The following SDC2 variants were observed in gnomAD, a reference collection of about 807,000 sequenced individuals.
SDC2 encodes syndecan-2.
Under a neutral mutation model 22.2 loss-of-function variants are expected in SDC2, and 13 were observed. The ratio of observed to expected loss-of-function variants is 0.59; its 90% CI spans 0.38 to 0.93. The LOEUF (loss-of-function observed/expected upper bound fraction) is 0.93, where lower values mean the gene tolerates loss of function less well. SDC2 is among the 40% of genes least tolerant of loss of function. The pLI is 0.00. For missense variants in SDC2, 235 were observed against 246.8 expected, an observed-to-expected ratio of 0.95 and a Z score of 0.32; for synonymous variants, 94 against 92.8, an observed-to-expected ratio of 1.01 and a Z score of -0.07.
chr8:96,544,564 C>T (rs1395810906), intron 1 of SDC2, among the ~76,000 whole-genome samples: 1 of 152,108 alleles, frequency 6.6e-6, no homozygotes, highest in African/African-American at 2.4e-5. Flanking sequence ...TCTCTTCTGG[C>T]CCTTATCATA....
chr8:96,509,912 G>A (rs959727082), intron 1 of SDC2, among the ~76,000 whole-genome samples: 1 of 152,130 alleles, frequency 6.6e-6, no homozygotes, highest in Non-Finnish European at 1.5e-5. Context: ...TGTCTTTTCT[G>A]CTGGATCATA....
chr8:96,556,640 C>T (rs1448546533), intron 1 of SDC2, among the ~76,000 whole-genome samples: 2 of 152,140 alleles, frequency 1.3e-5, no homozygotes, highest in East Asian at 1.9e-4. Flanking sequence ...GGATTAAAGA[C>T]TTAAACGTTA....
At chr8:96,514,975 A>G (rs1208283861) in intron 1 of SDC2, among the ~76,000 whole-genome samples, 2 of 152,106 alleles carry the variant, frequency 1.3e-5, no homozygotes, top group African/African-American at 4.8e-5. Flanking sequence ...TTCCTGTGCT[A>G]GCGCTCACTT....
chr8:96,564,441 T>A (rs1814263884), intron 1 of SDC2, among the ~76,000 whole-genome samples: 1 of 152,232 alleles, frequency 6.6e-6, no homozygotes, highest in Non-Finnish European at 1.5e-5. Context: ...ATAGATTTTT[T>A]ACCGCATAGA....
chr8:96,588,770 G>A (rs1814728093), intron 1 of SDC2, among the ~76,000 whole-genome samples: 1 of 152,184 alleles, frequency 6.6e-6, no homozygotes. Context: ...ACTAATTTGA[G>A]CTTTAATTAT....
chr8:96,567,455 G>A (rs750421824), intron 1 of SDC2, among the ~76,000 whole-genome samples: 23 of 152,190 alleles, frequency 1.5e-4, no homozygotes, highest in Non-Finnish European at 3.1e-4. Flanking sequence ...TTTGTCACCT[G>A]AATAGTGTCC....
intron 1 of SDC2, among the ~76,000 whole-genome samples, chr8:96,507,865 G>A (rs1414610447): frequency 6.6e-6 from 1 of 152,176 alleles, no homozygotes; most frequent in African/African-American, 2.4e-5. Flanking sequence ...TCTCCCAAGA[G>A]TTTCCTCTTG....
At chr8:96,503,498 A>G (rs1199399986) in intron 1 of SDC2, among the ~76,000 whole-genome samples, 1 of 152,228 alleles carries the variant, frequency 6.6e-6, no homozygotes, top group Non-Finnish European at 1.5e-5. Context: ...ATATATACAA[A>G]TCCATACATG....
rs142545058 is a variant in SDC2, at chr8:96,592,835, T to C, written c.61-645T>C. Reference sequence around the variant, plus strand: ...ATGAGCCCTAGAAGCAGGCGTGCAGTGGGCTTTCTCCCTGTCAGGTGAGCC... The same window carrying C: ...ATGAGCCCTAGAAGCAGGCGTGCAGCGGGCTTTCTCCCTGTCAGGTGAGCC... On this transcript the variant is annotated intron_variant, in intron 1 of 4. Transcript: ENST00000302190. Among the ~76,000 whole-genome samples, 201 of 152,342 alleles carry C rather than the reference T, an allele frequency of 1.3e-3. 1 individual carries two copies. The highest frequency in any genetic ancestry group is 4.7e-3 in the African/African-American group (194 of 41,580).
chr8:96,561,552 C>G (rs1239110507), intron 1 of SDC2, among the ~76,000 whole-genome samples: 1 of 152,228 alleles, frequency 6.6e-6, no homozygotes, highest in African/African-American at 2.4e-5. Context: ...CTATTACTCA[C>G]AGGCCACTTA....
chr8:96,594,231 T>C (rs1814833832), intron 2 of SDC2, among the ~76,000 whole-genome samples: 1 of 152,128 alleles, frequency 6.6e-6, no homozygotes, highest in Non-Finnish European at 1.5e-5. Flanking sequence ...TTCATTTAAC[T>C]TATTATTCTG....
intron 1 of SDC2, among the ~76,000 whole-genome samples, chr8:96,547,308 T>G (rs1042085446): frequency 9.2e-5 from 14 of 152,258 alleles, no homozygotes; most frequent in African/African-American, 3.1e-4. Context: ...CTCTGGTTCA[T>G]TAGCTTACAC....
intron 1 of SDC2, among the ~76,000 whole-genome samples, chr8:96,496,467 G>T (rs926885519): frequency 2.0e-5 from 3 of 152,238 alleles, no homozygotes; most frequent in Admixed American, 6.5e-5. Flanking sequence ...GTTAGGCAGT[G>T]AGTCAGTCTT....
chr8:96,600,049 C>T (rs1338559761), intron 2 of SDC2, among the ~76,000 whole-genome samples: 1 of 152,046 alleles, frequency 6.6e-6, no homozygotes, highest in Non-Finnish European at 1.5e-5. Flanking sequence ...GTTCCAGCTA[C>T]TCAGGAGGCT....
At chr8:96,551,453 A>T (rs991871469) in intron 1 of SDC2, among the ~76,000 whole-genome samples, 1 of 152,120 alleles carries the variant, frequency 6.6e-6, no homozygotes, top group African/African-American at 2.4e-5. Flanking sequence ...AAGTCATTGA[A>T]TCCTCCCAGC....
intron 1 of SDC2, among the ~76,000 whole-genome samples, chr8:96,561,437 A>C (rs1047530172): frequency 3.9e-5 from 6 of 152,212 alleles, no homozygotes; most frequent in Non-Finnish European, 8.8e-5. Flanking sequence ...TTTGGGCTGC[A>C]CATTTTAGAG....
At chr8:96,535,264 C>A (rs955542146) in intron 1 of SDC2, among the ~76,000 whole-genome samples, 1 of 152,166 alleles carries the variant, frequency 6.6e-6, no homozygotes, top group Non-Finnish European at 1.5e-5. Flanking sequence ...GCCTTGGCCT[C>A]CCAAAGTGCC....
chr8:96,536,370 G>T (rs1335952053), intron 1 of SDC2, among the ~76,000 whole-genome samples: 1 of 151,908 alleles, frequency 6.6e-6, no homozygotes, highest in African/African-American at 2.4e-5. Context: ...GCCCAGGCTG[G>T]ACTGCAGTAG....
In SDC2 at chr8:96,611,166, A is replaced by G. The variant is rs943860117; in HGVS notation, c.*1618A>G. On this transcript the variant is annotated 3_prime_UTR_variant, in exon 5 of 5. Transcript: ENST00000302190. ...CTCTGTGTGTTAAAATGAGGGTCTC[A>G]CTGCTTTAGGATTGAAGTGGCTGGA... The G allele has an allele frequency of 2.6e-5, 4 of 152,618 alleles. No homozygotes were observed. Among genetic ancestry groups the G allele is most frequent in the African/African-American group, 9.6e-5 (4 of 41,452 alleles). The allele number at this position is 152,618 out of a possible 1,614,324, so 9.5% of individuals were successfully genotyped here.
Sources: gnomAD v4.1 joint callset for allele counts (sites outside exome capture counted in the v4.1 genomes callset) on GRCh38, gnomAD v4.1.1 for gene constraint, MANE v1.5 for transcripts, NCBI Gene and HGNC (gene_info 2026-07-23, HGNC 2026-07-21) for gene names.